The following GMDS variants were observed in gnomAD, a reference collection of about 807,000 sequenced individuals.
GMDS encodes GDP-mannose 4,6-dehydratase.
Under a neutral mutation model 49.9 loss-of-function variants are expected in GMDS, and 20 were observed. The ratio of observed to expected loss-of-function variants is 0.40; its 90% CI spans 0.28 to 0.58. The LOEUF is 0.58. GMDS is among the 20% of genes least tolerant of loss of function. The pLI is 0.42. For missense variants in GMDS, 362 were observed against 481.4 expected (o/e 0.75, Z 2.32); for synonymous variants, 177 against 178.6 (o/e 0.99, Z 0.07).
intron 8 of GMDS, among the ~76,000 whole-genome samples, chr6:1,734,607 C>A (rs1766939218): frequency 6.6e-6 from 1 of 152,254 alleles, no homozygotes; most frequent in Non-Finnish European, 1.5e-5. Context: ...GGTGCCCTCT[C>A]AAAAGGGCAT....
intron 1 of GMDS, among the ~76,000 whole-genome samples, chr6:2,211,901 G>A (rs2127583338): frequency 6.6e-6 from 1 of 152,276 alleles, no homozygotes; most frequent in Non-Finnish European, 1.5e-5. Flanking sequence ...ATACATAAAA[G>A]CCTTCCAAAA....
chr6:1,975,984 G>A (rs1303829884), intron 4 of GMDS, among the ~76,000 whole-genome samples: 3 of 151,838 alleles, frequency 2.0e-5, no homozygotes, highest in East Asian at 1.9e-4. Context: ...CCTGGAACTC[G>A]AAAAATATCT....
At chr6:2,171,291 A>T (rs748036830) in intron 1 of GMDS, among the ~76,000 whole-genome samples, 2 of 152,228 alleles carry the variant, frequency 1.3e-5, no homozygotes, top group Non-Finnish European at 2.9e-5. Context: ...AAGACAGGAC[A>T]GAGACAGAAT....
chr6:1,887,889 C>T, intron 7 of GMDS, among the ~76,000 whole-genome samples: 1 of 152,062 alleles, frequency 6.6e-6, no homozygotes, highest in East Asian at 1.9e-4. Flanking sequence ...ACCCATAATA[C>T]TAAATACAAT....
intron 7 of GMDS, among the ~76,000 whole-genome samples, chr6:1,815,176 T>C (rs1770606282): frequency 6.6e-6 from 1 of 152,074 alleles, no homozygotes; most frequent in Admixed American, 6.5e-5. Flanking sequence ...TCAGATTTTG[T>C]CACCCAATGC....
chr6:2,031,965 ACTGC>A (rs1000701895), intron 4 of GMDS, among the ~76,000 whole-genome samples: 2 of 152,216 alleles, frequency 1.3e-5, no homozygotes, highest in Non-Finnish European at 2.9e-5. Context: ...CATTTTTATT[ACTGC>A]CTAATTTCTC....
At chr6:2,195,207 T>C (rs189698817) in intron 1 of GMDS, among the ~76,000 whole-genome samples, 1 of 152,230 alleles carries the variant, frequency 6.6e-6, no homozygotes, top group African/African-American at 2.4e-5. Flanking sequence ...TTTTCCTTTT[T>C]CTTCTTCTGT....
At chr6:1,783,227 T>C (rs531724990) in intron 7 of GMDS, among the ~76,000 whole-genome samples, 63 of 152,274 alleles carry the variant, frequency 4.1e-4, no homozygotes, top group African/African-American at 1.4e-3. Context: ...GGGAGCTGAA[T>C]TCTGAACAAG....
At chr6:1,902,112 G>A (rs1760531424) in intron 7 of GMDS, among the ~76,000 whole-genome samples, 1 of 152,220 alleles carries the variant, frequency 6.6e-6, no homozygotes, top group Non-Finnish European at 1.5e-5. Context: ...CTAGAAGTGT[G>A]TAATTAATTC....
intron 4 of GMDS, among the ~76,000 whole-genome samples, chr6:2,017,101 A>G (rs1767949595): frequency 2.0e-5 from 3 of 152,318 alleles, no homozygotes; most frequent in African/African-American, 7.2e-5. Context: ...AAATCAATGA[A>G]GCCAAAGGTA....
At chr6:2,092,117 A>C (rs1301528835) in intron 4 of GMDS, among the ~76,000 whole-genome samples, 1 of 152,208 alleles carries the variant, frequency 6.6e-6, no homozygotes, top group Non-Finnish European at 1.5e-5. Flanking sequence ...TATGTGTAAA[A>C]TAAGCTATGG....
At chr6:1,658,349 G>A (rs921661994) in intron 9 of GMDS, among the ~76,000 whole-genome samples, 46 of 152,362 alleles carry the variant, frequency 3.0e-4, no homozygotes, top group African/African-American at 1.1e-3. Flanking sequence ...TTTTCCCGAA[G>A]GCTTTCCCAC....
rs551194901 is a variant in GMDS at position 2,199,705 on chromosome 6, T to C, written c.102+45616A>G. Among the ~76,000 whole-genome samples, 9 of 152,342 alleles carry C rather than the reference T, an allele frequency of 5.9e-5. No individual in the cohort carries two copies. In the East Asian group the frequency reaches 9.6e-4, roughly 16 times the overall value. ...ATTTCAATCTCTATTCCTAAGATGA[T>C]TTTCATGGCTTTTTATCATTTGTTG... On this transcript the variant is annotated intron_variant, in intron 1 of 10. Coordinates refer to ENST00000380815, the MANE Select transcript of GMDS (RefSeq NM_001500.4).
chr6:2,037,163 C>G (rs763818002), intron 4 of GMDS, among the ~76,000 whole-genome samples: 1 of 152,118 alleles, frequency 6.6e-6, no homozygotes, highest in Non-Finnish European at 1.5e-5. Flanking sequence ...GGAGCTCTCC[C>G]GTGAACTGAC....
intron 4 of GMDS, among the ~76,000 whole-genome samples, chr6:1,969,036 C>T (rs998968426): frequency 4.0e-5 from 6 of 151,536 alleles, no homozygotes; most frequent in Non-Finnish European, 2.9e-5. Flanking sequence ...CCGAGGCGGG[C>T]GGATCACGAG....
At chr6:1,909,723 C>T (rs772139708) in intron 7 of GMDS, among the ~76,000 whole-genome samples, 4 of 152,164 alleles carry the variant, frequency 2.6e-5, no homozygotes, top group African/African-American at 9.7e-5. Context: ...CATGCAGGGA[C>T]GGCATGGCTA....
At chr6:1,907,263 G>C (rs1393635448) in intron 7 of GMDS, among the ~76,000 whole-genome samples, 2 of 152,168 alleles carry the variant, frequency 1.3e-5, no homozygotes, top group East Asian at 3.9e-4. Context: ...CCACATGACA[G>C]ATGAGGGGAA....
chr6:1,673,085 G>A (rs1581440243), intron 9 of GMDS, among the ~76,000 whole-genome samples: 2 of 152,242 alleles, frequency 1.3e-5, no homozygotes. Flanking sequence ...CCAGTGGCTT[G>A]AACTTCAGTG....
At chr6:2,009,931 T>G (rs182584861) in intron 4 of GMDS, among the ~76,000 whole-genome samples, 1 of 152,140 alleles carries the variant, frequency 6.6e-6, no homozygotes, top group Non-Finnish European at 1.5e-5. Flanking sequence ...AGAAAAATAC[T>G]TGAAGATATA....
Sources: gnomAD v4.1 joint callset for allele counts (sites outside exome capture counted in the v4.1 genomes callset) on GRCh38, gnomAD v4.1.1 for gene constraint, MANE v1.5 for transcripts, NCBI Gene and HGNC (gene_info 2026-07-23, HGNC 2026-07-21) for gene names.